The following PARD3B variants were observed in gnomAD, a reference collection of about 807,000 sequenced individuals.
PARD3B encodes par-3 family cell polarity regulator beta.
A neutral mutation model predicts 130.2 loss-of-function variants in PARD3B; 103 were observed. The observed-to-expected ratio is 0.79, with a 90% CI of 0.67 to 0.93. The LOEUF is 0.93. PARD3B is among the 40% of genes least tolerant of loss of function. The pLI, the probability that PARD3B is intolerant of heterozygous loss-of-function variation, is 0.00. For missense variants in PARD3B, 1,609 were observed against 1,499.2 expected, an observed-to-expected ratio of 1.07 and a Z score of -1.21; for synonymous variants, 583 against 553.2, an observed-to-expected ratio of 1.05 and a Z score of -0.76.
intron 21 of PARD3B, among the ~76,000 whole-genome samples, chr2:205,518,153 C>T (rs1257356785): frequency 2.0e-5 from 3 of 151,962 alleles, no homozygotes; most frequent in East Asian, 1.9e-4. Context: ...TTTTCTGCCT[C>T]GATGATCTAA....
Position 205,300,632 on chromosome 2 carries a change from C to A in PARD3B, c.2288C>A (p.Pro763His). Reference sequence around the variant, plus strand: ...GCCGAGGTCAGGAAGAATGACCTTCCCTTTCACAGGCCCCGGCCGCACATG... The same window carrying A: ...GCCGAGGTCAGGAAGAATGACCTTCACTTTCACAGGCCCCGGCCGCACATG... ...AVAEVRKNDL[P>H]FHRPRPHMVR... The change falls in exon 17 of 23, where the codon CCC becomes CAC. Residue 763 changes from proline to histidine, a missense_variant. Transcript: ENST00000406610. The surrounding 1 kb of genome is among the most constrained non-coding windows in gnomAD (Gnocchi z 4.1). 1 of 1,613,926 alleles carries A rather than the reference C, an allele frequency of 6.2e-7. No individual in the cohort carries two copies. The highest frequency in any genetic ancestry group is 8.5e-7 in the Non-Finnish European group (1 of 1,180,004).
At chr2:204,618,530 C>A (rs1446315182) in intron 1 of PARD3B, among the ~76,000 whole-genome samples, 1 of 152,174 alleles carries the variant, frequency 6.6e-6, no homozygotes, top group African/African-American at 2.4e-5. Context: ...GTGACAGTGT[C>A]ACCTGAAAGT....
intron 2 of PARD3B, among the ~76,000 whole-genome samples, chr2:204,712,477 G>T (rs1332673713): frequency 6.6e-6 from 1 of 151,826 alleles, no homozygotes; most frequent in African/African-American, 2.4e-5. Context: ...CGGGTGTGGT[G>T]GCAGGCCAGG....
Position 204,669,306 on chromosome 2 carries a change from C to T in PARD3B, c.121-16875C>T, listed in dbSNP as rs1168515908. ...TTTACTTTATAGGATCAAGGGCAAC[C>T]ATGTTTACTTTCATAAGGAGTAATT... On this transcript the variant is annotated intron_variant, in intron 1 of 22. Coordinates refer to ENST00000406610, the MANE Select transcript of PARD3B (RefSeq NM_001302769.2). This position sits in a 1 kb window ranked among gnomAD's most constrained non-coding sequence, Gnocchi z 4.3. 6.6e-6 allele frequency among the ~76,000 whole-genome samples: 1 copy of T among 151,954 alleles called. No individual in the cohort carries two copies. The highest frequency in any genetic ancestry group is 6.6e-5 in the Admixed American group (1 of 15,232).
intron 18 of PARD3B, among the ~76,000 whole-genome samples, chr2:205,317,906 G>A (rs947642352): frequency 5.3e-5 from 8 of 152,158 alleles, no homozygotes; most frequent in Non-Finnish European, 1.0e-4. Flanking sequence ...ATTAGAAAAA[G>A]CCACATAGCT....
chr2:204,756,953 C>T (rs1252621686), intron 2 of PARD3B, among the ~76,000 whole-genome samples: 4 of 151,976 alleles, frequency 2.6e-5, no homozygotes, highest in Admixed American at 2.0e-4. Context: ...TTTATTGTTC[C>T]ATCTTTGTGT....
intron 21 of PARD3B, among the ~76,000 whole-genome samples, chr2:205,518,401 C>G (rs941917901): frequency 6.6e-5 from 10 of 151,994 alleles, no homozygotes; most frequent in Non-Finnish European, 7.4e-5. Flanking sequence ...AGGATTGCAG[C>G]CTCTACTGTT....
At chr2:205,346,827 T>C (rs1263114242) in intron 18 of PARD3B, among the ~76,000 whole-genome samples, 1 of 152,214 alleles carries the variant, frequency 6.6e-6, no homozygotes, top group East Asian at 1.9e-4. Flanking sequence ...TATGTGTTGA[T>C]GACTTCACAG....
intron 19 of PARD3B, among the ~76,000 whole-genome samples, chr2:205,428,155 G>C (rs1019556155): frequency 6.6e-6 from 1 of 152,074 alleles, no homozygotes; most frequent in African/African-American, 2.4e-5. Context: ...GGCCAAGGCA[G>C]GTTGATCGCT....
intron 3 of PARD3B, among the ~76,000 whole-genome samples, chr2:205,037,730 A>G (rs922764272): frequency 1.3e-4 from 19 of 151,656 alleles, no homozygotes; most frequent in African/African-American, 3.4e-4. Context: ...CTGGAATTCC[A>G]AAAATACTCT....
intron 2 of PARD3B, among the ~76,000 whole-genome samples, chr2:204,690,287 T>C (rs943972203): frequency 6.6e-6 from 1 of 152,198 alleles, no homozygotes; most frequent in African/African-American, 2.4e-5. Flanking sequence ...TAGACTGTGC[T>C]GTTTTCAGTA....
chr2:205,404,120 TC>T (rs2046342532), intron 19 of PARD3B, among the ~76,000 whole-genome samples: 2 of 152,228 alleles, frequency 1.3e-5, no homozygotes, highest in African/African-American at 4.8e-5. Context: ...TATTTTATAA[TC>T]TTTTTTTTAT....
chr2:205,615,433 T>C, intron 22 of PARD3B, 23 bp from the exon 23 acceptor site: 1 of 1,555,006 alleles, frequency 6.4e-7, no homozygotes, highest in South Asian at 1.2e-5. Context: ...GCTGCTAACA[T>C]GTGTCTCTTC....
chr2:204,912,254 G>A (rs1027689053), intron 2 of PARD3B, among the ~76,000 whole-genome samples: 4 of 152,194 alleles, frequency 2.6e-5, no homozygotes, highest in African/African-American at 9.6e-5. Flanking sequence ...GCATGAAAAT[G>A]CGTAAGTGAT....
Position 205,253,991 on chromosome 2 carries a change from A to G in PARD3B, c.2185+8169A>G, listed in dbSNP as rs1477093524. On this transcript the variant is annotated intron_variant, in intron 16 of 22. Coordinates refer to ENST00000406610, the MANE Select transcript of PARD3B (RefSeq NM_001302769.2). The surrounding 1 kb of genome is among the most constrained non-coding windows in gnomAD (Gnocchi z 4.4). ...AACCATGGAAGGATAGTTGGACTCA[A>G]GAAGGCAAGGTAGAAGAGTCTAGGA... is the stretch of plus-strand genomic sequence containing the variant. 6.6e-6 allele frequency among the ~76,000 whole-genome samples: 1 copy of G among 151,768 alleles called. No homozygotes were observed. Among genetic ancestry groups the G allele is most frequent in the East Asian group, 1.9e-4 (1 of 5,138 alleles).
chr2:205,313,965 T>C (rs1241406892), intron 18 of PARD3B, among the ~76,000 whole-genome samples: 5 of 152,206 alleles, frequency 3.3e-5, no homozygotes, highest in African/African-American at 1.2e-4. Context: ...TGCATACTCA[T>C]ATTAAATAAC....
chr2:205,400,791 AGAAG>A (rs945164474), intron 18 of PARD3B, among the ~76,000 whole-genome samples: 9 of 152,308 alleles, frequency 5.9e-5, no homozygotes, highest in South Asian at 2.1e-4. Context: ...ATGAGTGAAA[AGAAG>A]GAAGGAAGGA....
At chr2:205,072,041 A>G (rs16836888) in intron 4 of PARD3B, among the ~76,000 whole-genome samples, 38,661 of 151,982 alleles carry the variant, frequency 0.25, 5,995 homozygotes, top group East Asian at 0.41. Flanking sequence ...TCTTAAAAAT[A>G]TATGTAGTCT....
chr2:204,638,512 T>G (rs1281979330), intron 1 of PARD3B, among the ~76,000 whole-genome samples: 1 of 152,228 alleles, frequency 6.6e-6, no homozygotes, highest in Non-Finnish European at 1.5e-5. Context: ...TAGCCAAGTG[T>G]AATTTTGTTA....
Sources: gnomAD v4.1 joint callset for allele counts (sites outside exome capture counted in the v4.1 genomes callset) on GRCh38, gnomAD v4.1.1 for gene constraint, Gnocchi (gnomAD v3.1) non-coding constraint, MANE v1.5 for transcripts, NCBI Gene and HGNC (gene_info 2026-07-23, HGNC 2026-07-21) for gene names.